Variants in MOB3B observed in about 807,000 individuals in gnomAD.
MOB3B encodes MOB kinase activator-like 2B.
Under a neutral mutation model 18.7 loss-of-function variants are expected in MOB3B, and 7 were observed. That is an observed-to-expected ratio of 0.37 (90% CI 0.21 to 0.70). MOB3B has a LOEUF of 0.70. Ranked by LOEUF, MOB3B falls within the 30% of genes least tolerant of loss-of-function variation. The pLI is 0.52. For missense variants in MOB3B, 253 were observed against 281.3 expected, an observed-to-expected ratio of 0.90 and a Z score of 0.72; for synonymous variants, 111 against 99.9, an observed-to-expected ratio of 1.11 and a Z score of -0.66.
intron 3 of MOB3B, among the ~76,000 whole-genome samples, chr9:27,332,510 G>C (rs1040436040): frequency 6.6e-6 from 1 of 152,200 alleles, no homozygotes; most frequent in African/African-American, 2.4e-5. Context: ...TAAGATGCCA[G>C]GTGCTTTGGG....
chr9:27,494,887 G>T (rs1413257113), intron 1 of MOB3B, among the ~76,000 whole-genome samples: 1 of 152,132 alleles, frequency 6.6e-6, no homozygotes, highest in Non-Finnish European at 1.5e-5. Context: ...ACAAATTTTG[G>T]ATCCTGAAGA....
intron 1 of MOB3B, among the ~76,000 whole-genome samples, chr9:27,512,818 A>T (rs1820166815): frequency 6.6e-6 from 1 of 152,148 alleles, no homozygotes; most frequent in African/African-American, 2.4e-5. Context: ...TTATGATTTG[A>T]CTGTAGTTAT....
chr9:27,382,549 G>C (rs1026614459), intron 2 of MOB3B, among the ~76,000 whole-genome samples: 1 of 152,110 alleles, frequency 6.6e-6, no homozygotes, highest in Non-Finnish European at 1.5e-5. Context: ...CATGTTGTGA[G>C]TTCCTTCACC....
chr9:27,527,677 C>T (rs769309504), intron 1 of MOB3B, among the ~76,000 whole-genome samples: 1 of 152,194 alleles, frequency 6.6e-6, no homozygotes. Context: ...AAGAGGGACT[C>T]ATTGGGGATC....
At chr9:27,507,421 T>A (rs1820076540) in intron 1 of MOB3B, among the ~76,000 whole-genome samples, 2 of 152,202 alleles carry the variant, frequency 1.3e-5, no homozygotes, top group South Asian at 4.1e-4. Context: ...TCTCTTACGG[T>A]ACTTTGCATC....
intron 2 of MOB3B, among the ~76,000 whole-genome samples, chr9:27,444,530 A>C (rs1822660831): frequency 6.6e-6 from 1 of 152,224 alleles, no homozygotes; most frequent in African/African-American, 2.4e-5. Context: ...GAAAAGAAAT[A>C]CTTTATCCCA....
At chr9:27,412,908 G>A (rs1357131167) in intron 2 of MOB3B, among the ~76,000 whole-genome samples, 1 of 152,214 alleles carries the variant, frequency 6.6e-6, no homozygotes, top group Non-Finnish European at 1.5e-5. Context: ...AGACGTCACA[G>A]TTGATAGGAA....
At chr9:27,415,016 C>G (rs35716712) in intron 2 of MOB3B, among the ~76,000 whole-genome samples, 48,991 of 151,906 alleles carry the variant, frequency 0.32, 8,317 homozygotes, top group Non-Finnish European at 0.37. Context: ...TGTGCACCAC[C>G]ATGCCTGGCT....
intron 1 of MOB3B, among the ~76,000 whole-genome samples, chr9:27,514,229 C>T (rs904928143): frequency 6.6e-6 from 1 of 150,740 alleles, no homozygotes; most frequent in African/African-American, 2.4e-5. Context: ...ATTTAATTAG[C>T]TATAATATTT....
At chr9:27,370,154 C>T (rs1587161659) in intron 2 of MOB3B, among the ~76,000 whole-genome samples, 1 of 151,980 alleles carries the variant, frequency 6.6e-6, no homozygotes, top group East Asian at 1.9e-4. Flanking sequence ...GAGGTGGGGC[C>T]TTTGGGAGGT....
chr9:27,487,023 C>T (rs1339954693), intron 1 of MOB3B, among the ~76,000 whole-genome samples: 1 of 151,936 alleles, frequency 6.6e-6, no homozygotes, highest in Non-Finnish European at 1.5e-5. Flanking sequence ...TCCAGCTACT[C>T]AGGAGGCTGA....
intron 3 of MOB3B, among the ~76,000 whole-genome samples, chr9:27,349,051 C>G (rs1383698711): frequency 1.3e-5 from 2 of 152,230 alleles, no homozygotes; most frequent in Admixed American, 6.5e-5. Flanking sequence ...ATATCTCTTT[C>G]TTCTTCCAGA....
intron 1 of MOB3B, among the ~76,000 whole-genome samples, chr9:27,506,204 A>C (rs1820056902): frequency 6.6e-6 from 1 of 152,218 alleles, no homozygotes. Flanking sequence ...AACAGAAGGA[A>C]ACTTAGAGAT....
chr9:27,529,636 G>T lies in MOB3B; in HGVS notation c.-280C>A. On this transcript the variant is annotated 5_prime_UTR_variant, in exon 1 of 4. Transcript: ENST00000262244. ...CAGCCAGCGCGAAAGAAAATGGTGA[G>T]CTCGGGGCAGGTGGGGCGTCGCTTG... The T allele has an allele frequency of 3.0e-6, 3 of 985,566 alleles. No individual in the cohort carries two copies. The highest frequency in any genetic ancestry group is 3.6e-6 in the Non-Finnish European group (3 of 830,034). The allele number at this position is 985,566 out of a possible 1,614,324, so 61.1% of individuals were successfully genotyped here.
chr9:27,437,027 T>A (rs4879489), intron 2 of MOB3B, among the ~76,000 whole-genome samples: 3 of 149,822 alleles, frequency 2.0e-5, no homozygotes, highest in Non-Finnish European at 4.4e-5. Flanking sequence ...GGGGAGTGTG[T>A]TTTGAGAAGC....
At position 27,463,727 on chromosome 9, in the gene MOB3B, G is replaced by A. The variant is rs79807464; in HGVS notation, c.-198-7979C>T. On this transcript the variant is annotated intron_variant, in intron 1 of 3. Coordinates refer to ENST00000262244, the MANE Select transcript of MOB3B (RefSeq NM_024761.5). ...TGTAATCCTAACACTTTGGGAAGCTGAGCCAGGCTGATTGCTTGAGCCCAG... is the reference window on the plus strand; with the variant it reads ...TGTAATCCTAACACTTTGGGAAGCTAAGCCAGGCTGATTGCTTGAGCCCAG... Among the ~76,000 whole-genome samples, 40 of 152,266 alleles carry A rather than the reference G, an allele frequency of 2.6e-4. 1 individual carries two copies. The East Asian group carries it at 7.5e-3, about 29-fold the overall frequency.
intron 2 of MOB3B, among the ~76,000 whole-genome samples, chr9:27,438,517 C>A (rs1264613148): frequency 6.6e-6 from 1 of 152,156 alleles, no homozygotes; most frequent in African/African-American, 2.4e-5. Flanking sequence ...CCTTGTAGGT[C>A]TATTTATTGG....
chr9:27,397,978 CTG>C (rs1206370822), intron 2 of MOB3B, among the ~76,000 whole-genome samples: 2 of 152,216 alleles, frequency 1.3e-5, no homozygotes, highest in East Asian at 3.8e-4. Context: ...AGTTAAGAAC[CTG>C]TGTTAGGCCA....
chr9:27,402,461 T>G (rs1821899831), intron 2 of MOB3B, among the ~76,000 whole-genome samples: 1 of 152,242 alleles, frequency 6.6e-6, no homozygotes, highest in Non-Finnish European at 1.5e-5. Flanking sequence ...TCTTCTGTAC[T>G]GCCTACATCT....
Sources: gnomAD v4.1 joint callset for allele counts (sites outside exome capture counted in the v4.1 genomes callset) on GRCh38, gnomAD v4.1.1 for gene constraint, MANE v1.5 for transcripts, NCBI Gene and HGNC (gene_info 2026-07-23, HGNC 2026-07-21) for gene names.